WDR41: variants seen among roughly 807,000 people sequenced by gnomAD.
WDR41 encodes WD repeat-containing protein 41.
In WDR41, 63 loss-of-function variants were observed where a neutral mutation model predicts 69.3. The ratio of observed to expected loss-of-function variants is 0.91; its 90% confidence interval spans 0.74 to 1.12. The LOEUF (loss-of-function observed/expected upper bound fraction) is 1.12, where lower values mean the gene tolerates loss of function less well. WDR41 is among the 50% of genes most tolerant of loss of function. The pLI, the probability that WDR41 is intolerant of heterozygous loss-of-function variation, is 0.00. For synonymous variants in WDR41, 185 were observed against 192.1 expected, an observed-to-expected ratio of 0.96 and a Z score of 0.31; for missense variants, 543 against 534.5, an observed-to-expected ratio of 1.02 and a Z score of -0.16.
chr5:77,449,970 T>A (rs960168222), intron 7 of WDR41, 100 bp from the exon 8 acceptor site: 22 of 779,716 alleles, frequency 2.8e-5, no homozygotes, highest in Non-Finnish European at 4.2e-5. Flanking sequence ...GAAAAATACC[T>A]ACCATACTGA....
chr5:77,442,281 A>G (rs1248641243), intron 8 of WDR41, among the ~76,000 whole-genome samples: 1 of 152,250 alleles, frequency 6.6e-6, no homozygotes, highest in Non-Finnish European at 1.5e-5. Context: ...ATAACTACAC[A>G]TCGAATTGAG....
chr5:77,509,720 A>C (rs1031542673), intron 1 of WDR41, among the ~76,000 whole-genome samples: 1 of 152,216 alleles, frequency 6.6e-6, no homozygotes, highest in Non-Finnish European at 1.5e-5. Context: ...GTAGCAAAAG[A>C]TATAAGGTTT....
intron 1 of WDR41, among the ~76,000 whole-genome samples, chr5:77,531,585 G>A (rs1304627415): frequency 6.6e-6 from 1 of 151,920 alleles, no homozygotes; most frequent in Non-Finnish European, 1.5e-5. Context: ...ACAGTTGGTG[G>A]TTCCTTAGAA....
chr5:77,605,325 A>G (rs1744395618), intron 1 of WDR41, among the ~76,000 whole-genome samples: 1 of 152,194 alleles, frequency 6.6e-6, no homozygotes, highest in South Asian at 2.1e-4. Flanking sequence ...CCACATGCCC[A>G]AGGATTCTCA....
intron 1 of WDR41, among the ~76,000 whole-genome samples, chr5:77,549,137 G>A (rs905991812): frequency 2.0e-4 from 30 of 151,832 alleles, no homozygotes; most frequent in South Asian, 2.1e-4. Flanking sequence ...CAGGGGGAAA[G>A]GGGGAAAGGG....
intron 1 of WDR41, among the ~76,000 whole-genome samples, chr5:77,534,503 G>A (rs903458778): frequency 4.6e-5 from 7 of 151,324 alleles, no homozygotes; most frequent in East Asian, 1.9e-4. Flanking sequence ...GTGTGATCTC[G>A]GCTCACTGCA....
At chr5:77,573,950 C>T (rs1209366079) in intron 1 of WDR41, among the ~76,000 whole-genome samples, 1 of 152,106 alleles carries the variant, frequency 6.6e-6, no homozygotes, top group East Asian at 1.9e-4. Flanking sequence ...GCTTCCTCCC[C>T]ACTTTTCCCC....
chr5:77,530,392 T>C (rs1312241809), intron 1 of WDR41, among the ~76,000 whole-genome samples: 1 of 151,600 alleles, frequency 6.6e-6, no homozygotes, highest in Non-Finnish European at 1.5e-5. Context: ...AATAGAAGAA[T>C]AGACAAACAT....
chr5:77,613,555 T>C (rs1343320654), intron 1 of WDR41, among the ~76,000 whole-genome samples: 2 of 152,196 alleles, frequency 1.3e-5, no homozygotes, highest in Non-Finnish European at 2.9e-5. Flanking sequence ...AAGGATTCCC[T>C]ATTTAATAAA....
At chr5:77,589,521 T>G (rs540382345) in intron 1 of WDR41, among the ~76,000 whole-genome samples, 16 of 152,296 alleles carry the variant, frequency 1.1e-4, no homozygotes, top group African/African-American at 3.8e-4. Context: ...ATATGGTATG[T>G]CTTCCCATTT....
chr5:77,487,142 C>T (rs1449592098), intron 2 of WDR41, among the ~76,000 whole-genome samples: 1 of 152,194 alleles, frequency 6.6e-6, no homozygotes, highest in African/African-American at 2.4e-5. Flanking sequence ...GATCTCTTAA[C>T]AATTTATACA....
chr5:77,554,218 G>A (rs1441694110), intron 1 of WDR41, among the ~76,000 whole-genome samples: 1 of 152,094 alleles, frequency 6.6e-6, no homozygotes, highest in Non-Finnish European at 1.5e-5. Context: ...TAAAATTTGG[G>A]GAGTGCCAAA....
chr5:77,435,973 A>C (rs900075318), intron 12 of WDR41, among the ~76,000 whole-genome samples: 1 of 152,202 alleles, frequency 6.6e-6, no homozygotes, highest in African/African-American at 2.4e-5. Context: ...GTTGTCATAT[A>C]GTCAACATTA....
At chr5:77,517,657 T>TATATATATATATATATATACAC (rs1491454629) in intron 1 of WDR41, among the ~76,000 whole-genome samples, 27 of 136,694 alleles carry the variant, frequency 2.0e-4, no homozygotes, top group African/African-American at 6.5e-4. Context: ...TATATATATA[T>TATATATATATATATATATACAC]ACCAGGCTAA....
intron 2 of WDR41, among the ~76,000 whole-genome samples, chr5:77,468,027 C>CA (rs953510916): frequency 2.1e-4 from 32 of 150,758 alleles, no homozygotes; most frequent in East Asian, 1.9e-3. Context: ...ACACAAAAAA[C>CA]AAAAAAAACC....
At chr5:77,566,996 A>C (rs1376888141) in intron 1 of WDR41, among the ~76,000 whole-genome samples, 1 of 152,208 alleles carries the variant, frequency 6.6e-6, no homozygotes, top group South Asian at 2.1e-4. Flanking sequence ...ATGGTAGTAC[A>C]TGAACCAACT....
intron 1 of WDR41, among the ~76,000 whole-genome samples, chr5:77,567,444 G>A (rs536899846): frequency 9.2e-5 from 14 of 152,046 alleles, no homozygotes; most frequent in African/African-American, 2.9e-4. Context: ...TTGCAAGAAG[G>A]CTGGCTGATG....
intron 1 of WDR41, among the ~76,000 whole-genome samples, chr5:77,534,584 C>A (rs778685131): frequency 1.3e-5 from 2 of 152,044 alleles, no homozygotes; most frequent in African/African-American, 4.8e-5. Context: ...CAGGCATGCA[C>A]CACCACGCCT....
intron 1 of WDR41, among the ~76,000 whole-genome samples, chr5:77,526,534 C>A (rs1182598432): frequency 1.3e-4 from 20 of 152,062 alleles, no homozygotes. Flanking sequence ...CTATTCTGAA[C>A]TGGTACCTTA....
Sources: allele counts gnomAD v4.1 joint callset (sites outside exome capture counted in the v4.1 genomes callset), GRCh38; gene constraint gnomAD v4.1.1; transcripts MANE v1.5; gene names NCBI Gene and HGNC (gene_info 2026-07-23, HGNC 2026-07-21).